The following GPHN variants were observed in gnomAD, a reference collection of about 807,000 sequenced individuals.
The protein encoded by GPHN is gephyrin.
A neutral mutation model predicts 95.5 loss-of-function variants in GPHN; 17 were observed. The ratio of observed to expected loss-of-function variants is 0.18; its 90% CI spans 0.12 to 0.27. The LOEUF (loss-of-function observed/expected upper bound fraction) is 0.27. Ranked by LOEUF, GPHN falls within the 10% of genes least tolerant of loss-of-function variation. The pLI, the probability that GPHN is intolerant of heterozygous loss-of-function variation, is 1.00. For missense variants in GPHN, 660 were observed against 978.1 expected (o/e 0.67, Z 4.34); for synonymous variants, 320 against 322.5 (o/e 0.99, Z 0.08).
chr14:67,082,390 G>T (rs1167193804), intron 11 of GPHN, among the ~76,000 whole-genome samples: 1 of 152,066 alleles, frequency 6.6e-6, no homozygotes, highest in Non-Finnish European at 1.5e-5. Flanking sequence ...TGAAGAGACT[G>T]TCCTTTCCCC....
At chr14:67,555,422 C>T in the GPHN span, among the ~76,000 whole-genome samples, 2 of 152,046 alleles carry the variant, frequency 1.3e-5, no homozygotes, top group Admixed American at 1.3e-4. Flanking sequence ...CAGGGTGGGC[C>T]CTATGGGAGC....
At chr14:67,301,973 C>A in the GPHN span, 2 of 1,579,862 alleles carry the variant, frequency 1.3e-6, no homozygotes, top group Admixed American at 1.9e-5. Flanking sequence ...TTGAAACAGG[C>A]ACTTTTACTG....
At chr14:67,596,408 T>C in the GPHN span, among the ~76,000 whole-genome samples, 1 of 146,694 alleles carries the variant, frequency 6.8e-6, no homozygotes, top group African/African-American at 2.5e-5. Flanking sequence ...CCCAAAGTGC[T>C]GGGATTCCAG....
the GPHN span, chr14:67,198,448 C>T: frequency 5.4e-5 from 48 of 884,122 alleles, no homozygotes; most frequent in African/African-American, 7.2e-4. Context: ...CAAAAGAGAA[C>T]AGTTTGGGAA....
At chr14:67,503,041 T>C in the GPHN span, among the ~76,000 whole-genome samples, 2 of 152,114 alleles carry the variant, frequency 1.3e-5, no homozygotes, top group Admixed American at 1.3e-4. Flanking sequence ...TTGAGAGCCT[T>C]GCGTAAGTTA....
At chr14:67,226,908 G>T in the GPHN span, among the ~76,000 whole-genome samples, 1 of 152,092 alleles carries the variant, frequency 6.6e-6, no homozygotes, top group East Asian at 1.9e-4. Flanking sequence ...AGGGTGACAC[G>T]TGCTGGCTCC....
At chr14:66,965,379 A>T in intron 9 of GPHN, 54 bp downstream of exon 9, 1 of 1,498,498 alleles carries the variant, frequency 6.7e-7, no homozygotes, top group Non-Finnish European at 9.3e-7. Flanking sequence ...AATCTGGGAA[A>T]ACTAACCAAT....
the GPHN span, chr14:67,620,742 A>G: frequency 2.8e-6 from 2 of 708,242 alleles, no homozygotes; most frequent in Non-Finnish European, 4.8e-6. Context: ...AGCTGATGTG[A>G]TTCCAACAAT....
At chr14:67,064,642 T>A (rs187505485) in intron 11 of GPHN, among the ~76,000 whole-genome samples, 4 of 152,344 alleles carry the variant, frequency 2.6e-5, no homozygotes, top group Admixed American at 6.5e-5. Flanking sequence ...AGATTCAACT[T>A]CTTCCTGCTT....
At chr14:66,966,324 A>G (rs932576173) in intron 9 of GPHN, among the ~76,000 whole-genome samples, 2 of 152,100 alleles carry the variant, frequency 1.3e-5, no homozygotes, top group African/African-American at 2.4e-5. Context: ...TTTGTTTTAC[A>G]TTACTTGTTA....
the GPHN span, among the ~76,000 whole-genome samples, chr14:67,379,654 C>CTTTTTTT: frequency 0.019 from 2,255 of 119,704 alleles, 89 homozygotes; most frequent in Non-Finnish European, 0.024. Context: ...TTTTCTTTTT[C>CTTTTTTT]TTTTTTTTTT....
chr14:66,685,176 T>G (rs1274840557), intron 2 of GPHN, among the ~76,000 whole-genome samples: 4 of 152,210 alleles, frequency 2.6e-5, no homozygotes, highest in African/African-American at 9.7e-5. Context: ...TGGTTCCAAG[T>G]CTTTGCTATT....
At chr14:67,525,949 G>C in the GPHN span, among the ~76,000 whole-genome samples, 2 of 152,150 alleles carry the variant, frequency 1.3e-5, no homozygotes, top group African/African-American at 4.8e-5. Flanking sequence ...GCAGTGTTTG[G>C]AAGAAACAGC....
chr14:67,329,244 G>C, the GPHN span, among the ~76,000 whole-genome samples: 367 of 152,272 alleles, frequency 2.4e-3, 1 homozygote, highest in Non-Finnish European at 3.4e-3. Flanking sequence ...TAGCAATTGT[G>C]AATGGGAGTT....
At position 66,819,569 on chromosome 14, in the gene GPHN, A is replaced by G. The variant is rs2061108848; in HGVS notation, c.202-4905A>G. On this transcript the variant is annotated intron_variant, in intron 3 of 22. Transcript: ENST00000478722. ...GTTTTGGTTACTGTAGCCCTATAGT[A>G]TAGTTTGAAGTCAGGTAGTGGGATG... is the stretch of plus-strand genomic sequence containing the variant. 3.9e-5 allele frequency among the ~76,000 whole-genome samples: 6 copies of G among 152,098 alleles called. 1 individual carries two copies. The South Asian group carries it at 1.2e-3, about 32-fold the overall frequency.
chr14:67,721,177 G>A, the GPHN span, among the ~76,000 whole-genome samples: 2 of 152,168 alleles, frequency 1.3e-5, no homozygotes, highest in African/African-American at 4.8e-5. Flanking sequence ...GGCTTCACAG[G>A]AAGGGACAGA....
At chr14:67,199,420 C>G in the GPHN span, 2 of 1,613,694 alleles carry the variant, frequency 1.2e-6, no homozygotes, top group Non-Finnish European at 1.7e-6. Context: ...ATGATACTTT[C>G]AGCGCCTTTG....
At chr14:67,592,604 T>C in the GPHN span, 91 of 1,324,620 alleles carry the variant, frequency 6.9e-5, no homozygotes, top group Non-Finnish European at 8.7e-5. Flanking sequence ...TGAGGAGTAA[T>C]TGGAGAATGG....
At chr14:67,360,289 T>G in the GPHN span, 1 of 398,702 alleles carries the variant, frequency 2.5e-6, no homozygotes, top group African/African-American at 2.1e-5. Context: ...AAGAGGGGCC[T>G]CTATTCGTTC....
Sources: allele counts gnomAD v4.1 joint callset (sites outside exome capture counted in the v4.1 genomes callset), GRCh38; gene constraint gnomAD v4.1.1; transcripts MANE v1.5; gene names NCBI Gene and HGNC (gene_info 2026-07-23, HGNC 2026-07-21).